Variants in PAX5 observed in about 807,000 individuals in gnomAD.
PAX5 encodes paired box 5, also known as paired box protein Pax-5.
Under a neutral mutation model 43.7 loss-of-function variants are expected in PAX5, and 9 were observed. The observed-to-expected ratio is 0.21, with a 90% CI of 0.12 to 0.36. The LOEUF is 0.36. Ranked by LOEUF, PAX5 falls within the 10% of genes least tolerant of loss-of-function variation. The pLI is 1.00. For synonymous variants in PAX5, 228 were observed against 214.3 expected, an observed-to-expected ratio of 1.06 and a Z score of -0.56; for missense variants, 383 against 532.7, an observed-to-expected ratio of 0.72 and a Z score of 2.77.
Position 36,882,271 on chromosome 9 carries a change from C to T in PAX5, c.911-166G>A, listed in dbSNP as rs1232349421. Among the ~76,000 whole-genome samples, 7 of 126,776 alleles carry T rather than the reference C, an allele frequency of 5.5e-5. No individual in the cohort carries two copies. The highest frequency in any genetic ancestry group is 1.3e-4 in the Non-Finnish European group (7 of 54,812). The allele number at this position is 126,776 out of a possible 152,430, so 83.2% of individuals were successfully genotyped here. On this transcript the variant is annotated intron_variant, in intron 7 of 9. Transcript: ENST00000358127. This position sits in a 1 kb window ranked among gnomAD's most constrained non-coding sequence, Gnocchi z 4.4. ...ACACGCTCTCACAAACACACATACA[C>T]ACACACACACACACACACACACACT...
chr9:36,924,344 C>T (rs1830413077), intron 6 of PAX5, among the ~76,000 whole-genome samples: 1 of 152,174 alleles, frequency 6.6e-6, no homozygotes, highest in Non-Finnish European at 1.5e-5. Flanking sequence ...CTGGATCTTT[C>T]AACTGAAGGA....
At chr9:37,023,600 G>A (rs1840037952) in intron 1 of PAX5, among the ~76,000 whole-genome samples, 1 of 152,124 alleles carries the variant, frequency 6.6e-6, no homozygotes, top group Non-Finnish European at 1.5e-5. Context: ...TTGTGACTCT[G>A]GTATGGAAAG....
chr9:36,959,739 G>T (rs889281617), intron 6 of PAX5, among the ~76,000 whole-genome samples: 1 of 152,244 alleles, frequency 6.6e-6, no homozygotes, highest in Admixed American at 6.5e-5. Flanking sequence ...GCATCTCCAG[G>T]AAACTATCCA....
intron 6 of PAX5, among the ~76,000 whole-genome samples, chr9:36,934,993 G>T (rs1831424015): frequency 1.3e-5 from 2 of 152,184 alleles, no homozygotes; most frequent in African/African-American, 4.8e-5. Context: ...TGATGTCAAG[G>T]TGCTTTTATT....
Position 37,034,096 on chromosome 9 carries a change from T to C in PAX5, c.-65A>G, listed in dbSNP as rs1841294615. On this transcript the variant is annotated 5_prime_UTR_variant, in exon 1 of 10. Coordinates refer to ENST00000358127, the MANE Select transcript of PAX5 (RefSeq NM_016734.3). ...TTTCCACTTTTTTGTGCCTTTTTTT[T>C]TCTTTTTTTTTTTTTTTTTTTTTTT... The C allele has an allele frequency of 1.4e-6, 1 of 726,434 alleles. No individual in the cohort carries two copies. Among genetic ancestry groups the C allele is most frequent in the African/African-American group, 1.9e-5 (1 of 53,324 alleles). 45.0% of individuals were successfully genotyped at this position (726,434 alleles called of 1,614,324 possible).
chr9:36,962,166 G>A (rs1834030061), intron 6 of PAX5, among the ~76,000 whole-genome samples: 1 of 152,180 alleles, frequency 6.6e-6, no homozygotes, highest in African/African-American at 2.4e-5. Context: ...TGGGAGACAG[G>A]GTGGGAGGAT....
intron 1 of PAX5, among the ~76,000 whole-genome samples, chr9:37,028,276 A>C (rs1840635119): frequency 6.6e-6 from 1 of 152,148 alleles, no homozygotes; most frequent in South Asian, 2.1e-4. Context: ...GAGTGGGGTT[A>C]ACTAGATTTT....
intron 6 of PAX5, among the ~76,000 whole-genome samples, chr9:36,938,785 G>C (rs533977981): frequency 6.6e-6 from 1 of 152,218 alleles, no homozygotes; most frequent in Non-Finnish European, 1.5e-5. Flanking sequence ...ATGGTTGGGA[G>C]AGTTTAATCC....
intron 1 of PAX5, among the ~76,000 whole-genome samples, chr9:37,022,109 G>A (rs1414159404): frequency 2.6e-5 from 4 of 152,112 alleles, no homozygotes; most frequent in Admixed American, 2.6e-4. Context: ...AACTGTCCAA[G>A]CAATCCACTC....
chr9:37,028,019 G>A (rs982491145), intron 1 of PAX5, among the ~76,000 whole-genome samples: 1 of 152,374 alleles, frequency 6.6e-6, no homozygotes, highest in African/African-American at 2.4e-5. Flanking sequence ...TCCCACGCGG[G>A]CTGGACCTCC....
At chr9:36,898,214 C>T (rs1052870670) in intron 7 of PAX5, among the ~76,000 whole-genome samples, 1 of 152,232 alleles carries the variant, frequency 6.6e-6, no homozygotes, top group Non-Finnish European at 1.5e-5. Flanking sequence ...TAATCCAACT[C>T]AGCACGAGCT....
intron 3 of PAX5, 66 bp downstream of exon 3, chr9:37,014,931 G>A (rs879082196): frequency 6.9e-7 from 1 of 1,440,252 alleles, no homozygotes; most frequent in Non-Finnish European, 9.7e-7. Flanking sequence ...AAAGGCACAT[G>A]CAGAGCCTCC....
intron 8 of PAX5, among the ~76,000 whole-genome samples, 198 bp downstream of exon 8, chr9:36,881,806 G>A (rs1175351916): frequency 1.3e-5 from 2 of 152,148 alleles, no homozygotes; most frequent in East Asian, 3.9e-4. Context: ...CCTCGCCCCC[G>A]GTGTCCTCCC....
chr9:36,847,818 C>T (rs965422508), intron 8 of PAX5, among the ~76,000 whole-genome samples: 3 of 152,280 alleles, frequency 2.0e-5, no homozygotes, highest in South Asian at 2.1e-4. Flanking sequence ...TACTACTGGC[C>T]AGGTCACTAG....
rs1826476809 is a variant in PAX5, at chr9:36,882,087, G to A, written c.929C>T (p.Thr310Met). 2.5e-6 allele frequency: 4 copies of A among 1,598,960 alleles called. No individual in the cohort carries two copies. Among genetic ancestry groups the A allele is most frequent in the African/African-American group, 1.3e-5 (1 of 74,362 alleles). Residue 310 changes from threonine to methionine, a missense_variant, in exon 8 of 10, where the codon ACG becomes ATG. Coordinates refer to ENST00000358127, the MANE Select transcript of PAX5 (RefSeq NM_016734.3). The surrounding 1 kb of genome is among the most constrained non-coding windows in gnomAD (Gnocchi z 4.4). ...PIVTGRDLAS[T>M]TLPGYPPHVP... ...GTGTGGAGGGTACCCGGGGAGGGTCGTGCTCGCCAAGTCACGGCCTGAGGA... is the reference window on the plus strand; with the variant it reads ...GTGTGGAGGGTACCCGGGGAGGGTCATGCTCGCCAAGTCACGGCCTGAGGA...
intron 7 of PAX5, among the ~76,000 whole-genome samples, chr9:36,884,826 G>A (rs970964448): frequency 6.6e-6 from 1 of 152,218 alleles, no homozygotes; most frequent in African/African-American, 2.4e-5. Flanking sequence ...CCTTGTGCAG[G>A]ACTTGAGCAA....
At chr9:36,889,945 G>T (rs561020406) in intron 7 of PAX5, among the ~76,000 whole-genome samples, 7 of 143,516 alleles carry the variant, frequency 4.9e-5, no homozygotes, top group Admixed American at 1.4e-4. Context: ...CACTAACGGG[G>T]GGGGGGGGAA....
chr9:36,896,358 A>T (rs895653338), intron 7 of PAX5, among the ~76,000 whole-genome samples: 1 of 151,822 alleles, frequency 6.6e-6, no homozygotes, highest in African/African-American at 2.4e-5. Flanking sequence ...TTGTAACGCC[A>T]GCTCCTACAC....
At chr9:36,941,430 G>A (rs7047778) in intron 6 of PAX5, among the ~76,000 whole-genome samples, 35,660 of 152,006 alleles carry the variant, frequency 0.23, 4,574 homozygotes, top group East Asian at 0.57. Flanking sequence ...ATTTGAGAGC[G>A]TCCGTCTTGA....
Sources: allele counts gnomAD v4.1 joint callset (sites outside exome capture counted in the v4.1 genomes callset), GRCh38; gene constraint gnomAD v4.1.1; non-coding constraint Gnocchi (gnomAD v3.1); transcripts MANE v1.5; gene names NCBI Gene and HGNC (gene_info 2026-07-23, HGNC 2026-07-21).